Variants in WDHD1 observed in about 807,000 individuals in gnomAD.
WDHD1 encodes WD repeat and HMG-box DNA-binding protein 1.
Under a neutral mutation model 135.4 loss-of-function variants are expected in WDHD1, and 111 were observed. The ratio of observed to expected loss-of-function variants is 0.82; its 90% CI spans 0.70 to 0.96. WDHD1 has a LOEUF of 0.96. Ranked by LOEUF, WDHD1 falls within the 40% of genes least tolerant of loss-of-function variation. The pLI is 0.00. For synonymous variants in WDHD1, 434 were observed against 439.0 expected, an observed-to-expected ratio of 0.99 and a Z score of 0.14; for missense variants, 1,351 against 1,336.3, an observed-to-expected ratio of 1.01 and a Z score of -0.17.
chr14:54,945,596 A>G (rs1215840115), intron 24 of WDHD1, among the ~76,000 whole-genome samples: 1 of 152,168 alleles, frequency 6.6e-6, no homozygotes, highest in Non-Finnish European at 1.5e-5. Flanking sequence ...GCTGGAGTAC[A>G]GTGGCTCTGT....
intron 18 of WDHD1, among the ~76,000 whole-genome samples, chr14:54,965,271 T>C (rs2041322556): frequency 6.6e-6 from 1 of 152,194 alleles, no homozygotes; most frequent in South Asian, 2.1e-4. Flanking sequence ...AATGATACTA[T>C]ACTCCTCTCC....
At chr14:54,962,402 T>G in intron 21 of WDHD1, 96 bp downstream of exon 21, 1 of 871,418 alleles carries the variant, frequency 1.1e-6, no homozygotes, top group Non-Finnish European at 1.9e-6. Context: ...ACACCAAAAG[T>G]GGCCTTAAGA....
At chr14:54,964,789 CTTTGATATGAGTCCCCTGGTATT>C (rs1249132203) in intron 18 of WDHD1, among the ~76,000 whole-genome samples, 1 of 152,196 alleles carries the variant, frequency 6.6e-6, no homozygotes, top group Non-Finnish European at 1.5e-5. Flanking sequence ...GCCCTGGCAT[CTTTGATATGAGTCCCCTGGTATT>C]TTTGATATGA....
Position 55,026,783 on chromosome 14 carries a change from G to C in WDHD1, c.5C>G (p.Pro2Arg), listed in dbSNP as rs2042452416. M[P>R]ATRKPMRYGH... ...ATATCTCATTGGCTTCCGTGTGGCA[G>C]GCATGTTTTCCTTTACCTATCTGAA... Residue 2 changes from proline to arginine, a missense_variant, in exon 2 of 26, where the codon CCT (proline) becomes CGT (arginine). Physicochemically the swap from Pro to Arg is moderately radical, Grantham distance 103. Transcript: ENST00000360586. 6.2e-7 allele frequency: 1 copy of C among 1,614,048 alleles called. No individual in the cohort carries two copies. The highest frequency in any genetic ancestry group is 1.3e-5 in the African/African-American group (1 of 74,916).
At chr14:54,952,522 G>A (rs1434752730) in intron 24 of WDHD1, among the ~76,000 whole-genome samples, 2 of 152,206 alleles carry the variant, frequency 1.3e-5, no homozygotes, top group Admixed American at 6.5e-5. Context: ...AACATTCCAC[G>A]CTCATGGATA....
At chr14:54,953,423 A>T (rs1244919210) in intron 24 of WDHD1, among the ~76,000 whole-genome samples, 3 of 152,204 alleles carry the variant, frequency 2.0e-5, no homozygotes, top group African/African-American at 7.2e-5. Context: ...CACAGTGAGA[A>T]ACCATCTCAC....
intron 24 of WDHD1, among the ~76,000 whole-genome samples, chr14:54,952,985 TA>T (rs1367097977): frequency 6.6e-6 from 1 of 152,192 alleles, no homozygotes; most frequent in East Asian, 1.9e-4. Context: ...CCAGATGGAT[TA>T]AAGACTTAAA....
At chr14:54,987,119 A>G in intron 14 of WDHD1, 27 bp downstream of exon 14, 1 of 1,606,984 alleles carries the variant, frequency 6.2e-7, no homozygotes, top group South Asian at 1.1e-5. Flanking sequence ...TTTTACTTCA[A>G]GTCATAAAAG....
At chr14:55,006,018 C>T (rs1485038345) in intron 7 of WDHD1, among the ~76,000 whole-genome samples, 1 of 152,092 alleles carries the variant, frequency 6.6e-6, no homozygotes, top group African/African-American at 2.4e-5. Flanking sequence ...GAATATGCCA[C>T]CACACCTGGC....
In WDHD1 at chr14:54,989,203, A is replaced by G. The variant is rs2041744429; in HGVS notation, c.1351T>C (p.Ser451Pro). The stretch of plus-strand genomic sequence containing the variant: ...TTATAGCAGCGAATAATTCCAATAG[A>G]GTTCCACACCTACAAACAGGTAAGA... ...HLTHRFMVWN[S>P]IGIIRCYNDE... Residue 451 changes from serine (S) to proline (P), a missense_variant, in exon 13 of 26, where the codon TCT becomes CCT. Ser to Pro is a moderately conservative substitution (Grantham distance 74). This residue lies in a region of WDHD1 where 1,330 missense variants were observed against 1,296.1 expected (regional missense o/e 1.03). Transcript: ENST00000360586. 2 of 1,610,934 alleles carry G rather than the reference A, an allele frequency of 1.2e-6. No homozygotes were observed. The highest frequency in any genetic ancestry group is 1.7e-5 in the Admixed American group (1 of 59,648).
intron 8 of WDHD1, 110 bp downstream of exon 8, chr14:55,001,983 G>A (rs1174784149): frequency 1.9e-5 from 14 of 750,152 alleles, no homozygotes; most frequent in Non-Finnish European, 3.0e-5. Flanking sequence ...ACATACAACA[G>A]CCAGGAGTTG....
chr14:55,017,636 C>T (rs930751179), intron 2 of WDHD1, among the ~76,000 whole-genome samples: 20 of 152,220 alleles, frequency 1.3e-4, no homozygotes, highest in African/African-American at 4.6e-4. Context: ...AGCCACTGCA[C>T]CCAGCCAGAA....
At chr14:54,974,214 G>A (rs917223890) in intron 16 of WDHD1, among the ~76,000 whole-genome samples, 1 of 151,890 alleles carries the variant, frequency 6.6e-6, no homozygotes, top group African/African-American at 2.4e-5. Context: ...TTGAGCTCAG[G>A]AGCTCAAGAC....
rs2041361050 is a variant in WDHD1 at position 54,967,345 on chromosome 14, CA to C, written c.2112del (p.Ala705LeufsTer38). 1.9e-6 allele frequency: 3 copies of C among 1,612,334 alleles called. No homozygotes were observed. The highest frequency in any genetic ancestry group is 1.7e-6 in the Non-Finnish European group (2 of 1,178,988). On this transcript the variant is annotated frameshift_variant, in exon 17 of 26. Transcript: ENST00000360586. LOFTEE classifies it high-confidence loss of function. The part of the protein sequence containing the change: ...GSRFPPTLPR[P>X]AVAILSFKLP... The stretch of plus-strand genomic sequence containing the variant: ...AGCTTAAAGGATAATATAGCAACAG[CA>C]GGGCGTGGAAGGGTTGGGGGAAACC...
At chr14:54,991,159 A>C in intron 12 of WDHD1, 54 bp downstream of exon 12, 1 of 979,536 alleles carries the variant, frequency 1.0e-6, no homozygotes, top group Non-Finnish European at 1.6e-6. Context: ...TAACTATAGT[A>C]AGAAAAAAGT....
rs529384833 is a variant in WDHD1 at position 54,985,070 on chromosome 14, G to A, written c.1769-210C>T. Among the ~76,000 whole-genome samples, 4 of 152,190 alleles carry A rather than the reference G, an allele frequency of 2.6e-5. 1 individual carries two copies. In the South Asian group the frequency reaches 8.3e-4, roughly 32 times the overall value. ...CTCTTCACATAAAGTCCTTATAAGT[G>A]GGCATTTATTCACTCAAGACATATT... On this transcript the variant is annotated intron_variant, in intron 14 of 25. Coordinates refer to ENST00000360586, the MANE Select transcript of WDHD1 (RefSeq NM_007086.4).
At chr14:54,952,297 C>G (rs1313901662) in intron 24 of WDHD1, among the ~76,000 whole-genome samples, 1 of 152,236 alleles carries the variant, frequency 6.6e-6, no homozygotes, top group Non-Finnish European at 1.5e-5. Flanking sequence ...AGCAAAGTCT[C>G]AGGATACAAA....
intron 16 of WDHD1, among the ~76,000 whole-genome samples, chr14:54,976,953 A>G (rs1007303302): frequency 6.6e-6 from 1 of 152,060 alleles, no homozygotes; most frequent in Non-Finnish European, 1.5e-5. Context: ...TCAAATGCCT[A>G]CTGTATAAGA....
chr14:54,955,202 T>C (rs1204058654), intron 24 of WDHD1, among the ~76,000 whole-genome samples: 1 of 152,214 alleles, frequency 6.6e-6, no homozygotes, highest in African/African-American at 2.4e-5. Context: ...GTGATTGTTT[T>C]TGGAGACAGA....
Sources: gnomAD v4.1 joint callset for allele counts (sites outside exome capture counted in the v4.1 genomes callset) on GRCh38, gnomAD v4.1.1 for gene constraint, gnomAD v4.1.1 regional missense constraint, MANE v1.5 for transcripts, NCBI Gene and HGNC (gene_info 2026-07-23, HGNC 2026-07-21) for gene names.